The following DNMBP variants were observed in gnomAD, a reference collection of about 807,000 sequenced individuals.
The protein encoded by DNMBP is dynamin-binding protein.
In DNMBP, 87 loss-of-function variants were observed where a neutral mutation model predicts 150.0. The observed-to-expected ratio is 0.58, with a 90% CI of 0.49 to 0.69. The LOEUF (loss-of-function observed/expected upper bound fraction) is 0.69. Among genes scored for constraint, DNMBP ranks in the 30% least tolerant of loss-of-function variants. DNMBP has a pLI of 0.00. For synonymous variants in DNMBP, 711 were observed against 750.4 expected (o/e 0.95, Z 0.86); for missense variants, 1,774 against 1,949.0 (o/e 0.91, Z 1.69).
At chr10:99,914,414 G>A (rs2039938690) in intron 4 of DNMBP, among the ~76,000 whole-genome samples, 2 of 152,188 alleles carry the variant, frequency 1.3e-5, no homozygotes, top group African/African-American at 4.8e-5. Flanking sequence ...CTTGTGATGA[G>A]AGGCAAAACT....
At chr10:99,914,045 AC>A in intron 4 of DNMBP, 13 of 1,490,258 alleles carry the variant, frequency 8.7e-6, no homozygotes, top group Admixed American at 7.2e-5. Flanking sequence ...ATGCTCCACA[AC>A]CCCCCAAACT....
intron 4 of DNMBP, chr10:99,930,881 C>A: frequency 1.8e-6 from 1 of 571,070 alleles, no homozygotes; most frequent in South Asian, 2.4e-5. Flanking sequence ...GTCTCCCAAC[C>A]ATTCCAGACA....
At chr10:100,003,894 A>C (rs1392061872) in intron 1 of DNMBP, among the ~76,000 whole-genome samples, 1 of 152,062 alleles carries the variant, frequency 6.6e-6, no homozygotes, top group African/African-American at 2.4e-5. Context: ...ACCCTCCTCA[A>C]ATAATTTATA....
At chr10:99,934,632 C>T (rs560927069) in intron 4 of DNMBP, among the ~76,000 whole-genome samples, 1 of 135,824 alleles carries the variant, frequency 7.4e-6, no homozygotes, top group Admixed American at 7.7e-5. Flanking sequence ...CAGTAGGCTC[C>T]TTGTGCTTCA....
At position 99,969,193 on chromosome 10, in the gene DNMBP, G is replaced by C; in HGVS notation, c.190C>G (p.Leu64Val). The C allele has an allele frequency of 6.2e-7, 1 of 1,614,002 alleles. No homozygotes were observed. The highest frequency in any genetic ancestry group is 8.5e-7 in the Non-Finnish European group (1 of 1,179,896). Residue 64 changes from leucine (L) to valine (V), a missense_variant, in exon 3 of 17, where the codon CTA (leucine) becomes GTA (valine). Physicochemically the swap from Leu to Val is conservative, Grantham distance 32. Transcript: ENST00000324109. ...ACAAACAGCCTCTCTCCCTCTTTTA[G>C]ACTGGGAATGGTCACAATTTCCACA... ...SFVEIVTIPS[L>V]KEGERLFVCI...
chr10:99,888,988 G>A (rs1362985120), intron 11 of DNMBP, 35 bp from the exon 12 acceptor site: 21 of 1,608,652 alleles, frequency 1.3e-5, no homozygotes, highest in Non-Finnish European at 1.7e-5. Flanking sequence ...AGTCAGAACA[G>A]ACAGAACTTT....
intron 11 of DNMBP, among the ~76,000 whole-genome samples, chr10:99,890,653 G>C (rs888814201): frequency 1.3e-5 from 2 of 152,132 alleles, no homozygotes; most frequent in African/African-American, 4.8e-5. Context: ...CCAATTGTGT[G>C]TTTTATTTTT....
intron 1 of DNMBP, among the ~76,000 whole-genome samples, chr10:99,978,227 C>A (rs114515448): frequency 6.6e-6 from 1 of 152,258 alleles, no homozygotes; most frequent in African/African-American, 2.4e-5. Flanking sequence ...CCCATGCCCA[C>A]GTTCTTTTTA....
At chr10:99,982,174 G>C (rs2040785593) in intron 1 of DNMBP, among the ~76,000 whole-genome samples, 1 of 152,198 alleles carries the variant, frequency 6.6e-6, no homozygotes, top group Non-Finnish European at 1.5e-5. Flanking sequence ...GCTAGGCGCA[G>C]TGGCTCACAC....
Position 99,899,965 on chromosome 10 carries a change from C to G in DNMBP, c.2656G>C (p.Asp886His). The G allele has an allele frequency of 4.3e-6, 7 of 1,614,118 alleles. No individual in the cohort carries two copies. The highest frequency in any genetic ancestry group is 5.9e-6 in the Non-Finnish European group (7 of 1,180,038). The change falls in exon 7 of 17, where the codon GAT becomes CAT. Residue 886 changes from aspartate (D) to histidine (H), a missense_variant. Around this residue, in one of 2 missense-constraint regions of DNMBP, gnomAD observed 1,430 missense variants for 1,492.5 expected, o/e 0.96. Transcript: ENST00000324109. Reference sequence around the variant, plus strand: ...TGAAGATGCTTCTGGATCTTCTCATCCTTCTCGTAGATTTCAAGCAGCGCA... The same window carrying G: ...TGAAGATGCTTCTGGATCTTCTCATGCTTCTCGTAGATTTCAAGCAGCGCA... The part of the protein sequence containing the change: ...AIALLEIYEK[D>H]EKIQKHLQDS...
At chr10:100,001,584 G>T (rs999122035) in intron 1 of DNMBP, among the ~76,000 whole-genome samples, 3 of 148,384 alleles carry the variant, frequency 2.0e-5, no homozygotes, top group African/African-American at 7.8e-5. Context: ...GCTAGTTTTT[G>T]TATTTTTTGG....
chr10:99,903,760 C>T (rs966280375), intron 6 of DNMBP, among the ~76,000 whole-genome samples: 1 of 152,232 alleles, frequency 6.6e-6, no homozygotes, highest in African/African-American at 2.4e-5. Context: ...ACCATCCAGA[C>T]ATGATTTACA....
intron 4 of DNMBP, among the ~76,000 whole-genome samples, chr10:99,918,574 C>CTTTTCTT (rs2039991271): frequency 7.3e-6 from 1 of 137,904 alleles, no homozygotes; most frequent in South Asian, 2.3e-4. Flanking sequence ...TCTGCAACTT[C>CTTTTCTT]TTTTTTTTTT....
At chr10:99,880,418 G>C in intron 15 of DNMBP, 57 bp from the exon 16 acceptor site, 1 of 1,467,220 alleles carries the variant, frequency 6.8e-7, no homozygotes. Context: ...TGGACAGACA[G>C]AGGGAGCATT....
intron 4 of DNMBP, among the ~76,000 whole-genome samples, chr10:99,926,567 G>A (rs12252367): frequency 0.075 from 11,421 of 152,270 alleles, 710 homozygotes; most frequent in African/African-American, 0.17. Flanking sequence ...CTTTTAGGAC[G>A]CCGGGAAATA....
chr10:99,993,544 G>A (rs958584799), intron 1 of DNMBP, among the ~76,000 whole-genome samples: 5 of 152,220 alleles, frequency 3.3e-5, no homozygotes, highest in African/African-American at 1.2e-4. Flanking sequence ...GCTCATGCCT[G>A]TAATCCCAGC....
At chr10:99,998,009 G>A (rs2040967929) in intron 1 of DNMBP, among the ~76,000 whole-genome samples, 1 of 150,740 alleles carries the variant, frequency 6.6e-6, no homozygotes, top group Non-Finnish European at 1.5e-5. Flanking sequence ...GCCAAGGTGG[G>A]CAGATCACAA....
intron 4 of DNMBP, among the ~76,000 whole-genome samples, chr10:99,938,994 G>A (rs1374090641): frequency 6.6e-6 from 1 of 152,150 alleles, no homozygotes; most frequent in African/African-American, 2.4e-5. Flanking sequence ...GACTATCTGT[G>A]TGATGCCCAG....
rs115351935 is a variant in DNMBP at position 100,008,180 on chromosome 10, G to A, written c.-11+1658C>T. ...TCACCTGAAGTCAGGAGCCAGAAAA[G>A]AGGAAGAGATTGATGGAACGTTGAG... On this transcript the variant is annotated intron_variant, in intron 1 of 16. Transcript: ENST00000324109. Among the ~76,000 whole-genome samples the A allele has an allele frequency of 6.4e-3, 970 of 152,306 alleles. 9 individuals carry two copies. The highest frequency in any genetic ancestry group is 0.022 in the African/African-American group (921 of 41,568).
Sources: allele counts gnomAD v4.1 joint callset (sites outside exome capture counted in the v4.1 genomes callset), GRCh38; gene constraint gnomAD v4.1.1; regional missense constraint gnomAD v4.1.1; transcripts MANE v1.5; gene names NCBI Gene and HGNC (gene_info 2026-07-23, HGNC 2026-07-21).